Variants in PLD5 observed in about 807,000 individuals in gnomAD.
PLD5 encodes the protein inactive phospholipase D5.
Under a neutral mutation model 61.1 loss-of-function variants are expected in PLD5, and 36 were observed. The observed-to-expected ratio is 0.59, with a 90% CI of 0.45 to 0.78. The LOEUF is 0.78. PLD5 is among the 30% of genes least tolerant of loss of function. The pLI, the probability that PLD5 is intolerant of heterozygous loss-of-function variation, is 0.00. For missense variants in PLD5, 515 were observed against 644.4 expected, an observed-to-expected ratio of 0.80 and a Z score of 2.17; for synonymous variants, 243 against 242.8, an observed-to-expected ratio of 1.00 and a Z score of -0.01.
chr1:242,309,388 CT>C (rs368753685), intron 2 of PLD5, among the ~76,000 whole-genome samples: 5,071 of 138,000 alleles, frequency 0.037, 240 homozygotes, highest in African/African-American at 0.11. Context: ...GTTTTCTTTT[CT>C]TTTTTTTTTT....
rs542816366 is a variant in PLD5 at position 242,491,410 on chromosome 1, C to T, written c.189+32678G>A. Reference sequence around the variant, plus strand: ...GCATGTGCGCACACACACACATAAACACACAATTACATAGATGCCTTAGAA... The same window carrying T: ...GCATGTGCGCACACACACACATAAATACACAATTACATAGATGCCTTAGAA... On this transcript the variant is annotated intron_variant, in intron 1 of 9. Transcript: ENST00000536534. 2.1e-4 allele frequency among the ~76,000 whole-genome samples: 32 copies of T among 152,302 alleles called. 2 individuals are homozygous for T. The South Asian group carries it at 4.8e-3, about 23-fold the overall frequency.
intron 4 of PLD5, among the ~76,000 whole-genome samples, chr1:242,244,212 T>C (rs1452901630): frequency 6.6e-6 from 1 of 152,222 alleles, no homozygotes. Context: ...AGGATTCATT[T>C]CATTTGCCTC....
At chr1:242,523,840 G>A (rs1268073090) in intron 1 of PLD5, among the ~76,000 whole-genome samples, 1 of 152,242 alleles carries the variant, frequency 6.6e-6, no homozygotes, top group Non-Finnish European at 1.5e-5. Flanking sequence ...ACCGGGAGAC[G>A]CAGGTGGGCA....
intron 4 of PLD5, among the ~76,000 whole-genome samples, chr1:242,241,739 C>A (rs1558387129): frequency 6.7e-6 from 1 of 149,292 alleles, no homozygotes; most frequent in African/African-American, 2.5e-5. Flanking sequence ...GAGAAGCCAG[C>A]CCACTAATTT....
chr1:242,321,612 T>C (rs1266334104), intron 2 of PLD5, among the ~76,000 whole-genome samples: 1 of 152,096 alleles, frequency 6.6e-6, no homozygotes, highest in East Asian at 1.9e-4. Flanking sequence ...GCCCCATCTA[T>C]TCTTTTTGAT....
rs571394811 is a variant in PLD5, at chr1:242,482,145, G to C, written c.189+41943C>G. 2.6e-5 allele frequency among the ~76,000 whole-genome samples: 4 copies of C among 152,338 alleles called. No individual in the cohort carries two copies. In the East Asian group the frequency reaches 5.8e-4, roughly 22 times the overall value. On this transcript the variant is annotated intron_variant, in intron 1 of 9. Coordinates refer to ENST00000536534, the MANE Select transcript of PLD5 (RefSeq NM_001372062.1). ...GAAAAACTGAAAATTCTAAAAATCA[G>C]AGCGCCTCTCCTCCTCCAAAGGAAT... is the stretch of plus-strand genomic sequence containing the variant.
At chr1:242,409,446 T>C (rs1558541311) in intron 1 of PLD5, among the ~76,000 whole-genome samples, 1 of 150,552 alleles carries the variant, frequency 6.6e-6, no homozygotes, top group Non-Finnish European at 1.5e-5. Context: ...TGTTGCCTTA[T>C]TGGTGCAAGC....
At chr1:242,216,742 G>A (rs1604507) in intron 5 of PLD5, among the ~76,000 whole-genome samples, 42,697 of 152,078 alleles carry the variant, frequency 0.28, 6,410 homozygotes, top group South Asian at 0.4. Context: ...CTATGTCAGC[G>A]TATGTCTCTC....
intron 1 of PLD5, among the ~76,000 whole-genome samples, chr1:242,379,783 A>G (rs1048626798): frequency 1.3e-5 from 2 of 152,034 alleles, no homozygotes; most frequent in East Asian, 3.9e-4. Flanking sequence ...TCCACTTTTT[A>G]CTGTCCTCCC....
In PLD5 at chr1:242,392,515, A is replaced by T. The variant is rs1662992610; in HGVS notation, c.190-44273T>A. Among the ~76,000 whole-genome samples the T allele has an allele frequency of 3.9e-5, 6 of 152,336 alleles. No individual in the cohort carries two copies. The South Asian group carries it at 1.2e-3, about 32-fold the overall frequency. On this transcript the variant is annotated intron_variant, in intron 1 of 9. Transcript: ENST00000536534. Reference sequence around the variant, plus strand: ...TCTCCTGCTGACCTGGGTTAGAAGCAGCATTGAGCCAAAGCTCTGTCTGCA... The same window carrying T: ...TCTCCTGCTGACCTGGGTTAGAAGCTGCATTGAGCCAAAGCTCTGTCTGCA...
At chr1:242,403,974 C>T (rs926217393) in intron 1 of PLD5, among the ~76,000 whole-genome samples, 1 of 152,180 alleles carries the variant, frequency 6.6e-6, no homozygotes, top group African/African-American at 2.4e-5. Flanking sequence ...CCCCACCTCA[C>T]TTGGCTTCGG....
At chr1:242,160,400 C>T (rs540766455) in intron 5 of PLD5, among the ~76,000 whole-genome samples, 2 of 152,212 alleles carry the variant, frequency 1.3e-5, no homozygotes, top group East Asian at 3.9e-4. Context: ...AGAGATCACA[C>T]CCCTAACTCA....
At chr1:242,383,284 C>T (rs190682554) in intron 1 of PLD5, among the ~76,000 whole-genome samples, 5 of 152,166 alleles carry the variant, frequency 3.3e-5, no homozygotes, top group Non-Finnish European at 7.4e-5. Context: ...TTTTGACACA[C>T]GTATACAAAG....
intron 4 of PLD5, among the ~76,000 whole-genome samples, chr1:242,252,152 A>G (rs528477383): frequency 2.6e-5 from 4 of 152,234 alleles, no homozygotes; most frequent in African/African-American, 4.8e-5. Flanking sequence ...ATGAGCTAAA[A>G]AAATAGATAA....
At chr1:242,402,106 G>T (rs1663967971) in intron 1 of PLD5, among the ~76,000 whole-genome samples, 1 of 152,178 alleles carries the variant, frequency 6.6e-6, no homozygotes, top group South Asian at 2.1e-4. Flanking sequence ...ATGACTAAGA[G>T]ATTTCAAGCC....
At chr1:242,113,155 T>A (rs1033079743) in intron 7 of PLD5, among the ~76,000 whole-genome samples, 1 of 147,324 alleles carries the variant, frequency 6.8e-6, no homozygotes, top group African/African-American at 2.5e-5. Flanking sequence ...AGTGGCGTGA[T>A]CTTGGCTCAC....
At position 242,485,870 on chromosome 1, in the gene PLD5, TAGACCAATAGAACAGAACAG is replaced by T. The variant is rs1472359155; in HGVS notation, c.189+38198_189+38217del. On this transcript the variant is annotated intron_variant, in intron 1 of 9. Transcript: ENST00000536534. ...TGGTCCTGGTACCAAAACAGAGATA[TAGACCAATAGAACAGAACAG>T]AGACCTCAGAAATAATGACACATAT... Among the ~76,000 whole-genome samples the T allele has an allele frequency of 7.4e-4, 113 of 152,248 alleles. 1 individual carries two copies. Among genetic ancestry groups the T allele is most frequent in the African/African-American group, 2.6e-3 (110 of 41,542 alleles).
intron 4 of PLD5, among the ~76,000 whole-genome samples, chr1:242,247,069 C>T (rs1049884473): frequency 2.0e-5 from 3 of 151,762 alleles, no homozygotes; most frequent in South Asian, 2.1e-4. Flanking sequence ...CTGCAAGCTC[C>T]GCCTCCCGGG....
intron 9 of PLD5, among the ~76,000 whole-genome samples, chr1:242,096,503 A>G (rs1271942622): frequency 3.3e-5 from 5 of 151,520 alleles, no homozygotes; most frequent in African/African-American, 4.9e-5. Flanking sequence ...CACCGTACCC[A>G]GCTAATTTTT....
Sources: gnomAD v4.1 joint callset for allele counts (sites outside exome capture counted in the v4.1 genomes callset) on GRCh38, gnomAD v4.1.1 for gene constraint, MANE v1.5 for transcripts, NCBI Gene and HGNC (gene_info 2026-07-23, HGNC 2026-07-21) for gene names.